Variants in SHISAL2A observed in about 807,000 individuals in gnomAD.
SHISAL2A encodes the protein shisa like 2A.
A neutral mutation model predicts 11.5 loss-of-function variants in SHISAL2A; 18 were observed. That is an observed-to-expected ratio of 1.57 (90% confidence interval 1.08 to 2.33). The LOEUF is 2.33. Among genes scored for constraint, SHISAL2A ranks in the 30% most tolerant of loss-of-function variants. The pLI is 0.00. For synonymous variants in SHISAL2A, 94 were observed against 99.6 expected (o/e 0.94, Z 0.34); for missense variants, 261 against 250.9 (o/e 1.04, Z -0.27).
intron 4 of SHISAL2A, among the ~76,000 whole-genome samples, chr1:52,662,934 T>TC (rs567797689): frequency 1.2e-3 from 184 of 152,344 alleles, no homozygotes; most frequent in Middle Eastern, 3.4e-3. Flanking sequence ...TCACTACTTG[T>TC]CCAGCACAGA....
chr1:52,636,840 G>T (rs1296275526), intron 1 of SHISAL2A, among the ~76,000 whole-genome samples: 1 of 152,174 alleles, frequency 6.6e-6, no homozygotes, highest in Non-Finnish European at 1.5e-5. Context: ...GGCTTGTCCT[G>T]TCTACTACTG....
upstream of SHISAL2A, among the ~76,000 whole-genome samples, chr1:52,632,845 A>T (rs1383149237): frequency 1.3e-5 from 2 of 152,156 alleles, no homozygotes; most frequent in Non-Finnish European, 2.9e-5. Context: ...AACTCCGGGA[A>T]ATGGCTTCTC....
intron 1 of SHISAL2A, among the ~76,000 whole-genome samples, chr1:52,635,348 TC>T (rs2149871614): frequency 6.6e-6 from 1 of 152,030 alleles, no homozygotes; most frequent in South Asian, 2.1e-4. Context: ...ATCCACACCC[TC>T]ATTCCCCACC....
chr1:52,652,676 T>A (rs774375722), intron 2 of SHISAL2A, among the ~76,000 whole-genome samples: 2 of 151,538 alleles, frequency 1.3e-5, no homozygotes, highest in Non-Finnish European at 2.9e-5. Flanking sequence ...TAGAACAAAG[T>A]GTGTTTGGGC....
At chr1:52,640,820 A>G (rs1691347912) in intron 1 of SHISAL2A, among the ~76,000 whole-genome samples, 1 of 152,108 alleles carries the variant, frequency 6.6e-6, no homozygotes, top group South Asian at 2.1e-4. Flanking sequence ...GAGATGACTC[A>G]TGGTGGGCTC....
chr1:52,649,599 C>T (rs1691581844), intron 2 of SHISAL2A, among the ~76,000 whole-genome samples: 1 of 152,200 alleles, frequency 6.6e-6, no homozygotes, highest in African/African-American at 2.4e-5. Flanking sequence ...AAGACCATAA[C>T]TTTCTTATTC....
intron 2 of SHISAL2A, among the ~76,000 whole-genome samples, chr1:52,644,813 C>T (rs560166821): frequency 3.9e-5 from 6 of 151,984 alleles, no homozygotes; most frequent in South Asian, 2.1e-4. Context: ...ATCAGGAGAT[C>T]GAGACCATCC....
intron 1 of SHISAL2A, among the ~76,000 whole-genome samples, chr1:52,635,327 A>G (rs1183094340): frequency 6.6e-6 from 1 of 152,178 alleles, no homozygotes; most frequent in Non-Finnish European, 1.5e-5. Context: ...AAAATAGGAC[A>G]TAATTCTCAA....
Position 52,652,965 on chromosome 1 carries a change from C to CAAAAAAAAAA in SHISAL2A, c.323-3801_323-3792dup, listed in dbSNP as rs36154490. On this transcript the variant is annotated intron_variant, in intron 2 of 2. Coordinates refer to ENST00000517870, the MANE Select transcript of SHISAL2A (RefSeq NM_001042693.3). The stretch of plus-strand genomic sequence containing the variant: ...TGGGTGACAGAGTGAGACTCTGTCT[C>CAAAAAAAAAA]AAAAAAAAAAAAAAAAAAAAAAAAA... Among the ~76,000 whole-genome samples, 16 of 22,378 alleles carry CAAAAAAAAAA rather than the reference C, an allele frequency of 7.1e-4. 1 individual carries two copies. The highest frequency in any genetic ancestry group is 2.6e-3 in the African/African-American group (12 of 4,562). 14.7% of individuals were successfully genotyped at this position (22,378 alleles called of 152,430 possible). A position where few individuals can be genotyped will look rare whatever the true frequency, so the allele number is the denominator to read the frequency against.
intron 1 of SHISAL2A, among the ~76,000 whole-genome samples, chr1:52,638,109 T>A (rs12407301): frequency 6.6e-6 from 1 of 152,130 alleles, no homozygotes; most frequent in African/African-American, 2.4e-5. Flanking sequence ...TGTTCCCAAC[T>A]CTGTCCTTGG....
intron 1 of SHISAL2A, among the ~76,000 whole-genome samples, chr1:52,638,216 G>T (rs11205985): frequency 0.18 from 27,537 of 151,942 alleles, 2,650 homozygotes; most frequent in African/African-American, 0.24. Flanking sequence ...AGTCAGGGAA[G>T]AGGATGGGCA....
At chr1:52,649,956 G>A (rs369356207) in intron 2 of SHISAL2A, among the ~76,000 whole-genome samples, 1 of 152,110 alleles carries the variant, frequency 6.6e-6, no homozygotes, top group Non-Finnish European at 1.5e-5. Flanking sequence ...TATAGATGGG[G>A]CAGCTGAGGC....
chr1:52,658,351 T>C (rs2149892664), downstream of SHISAL2A, among the ~76,000 whole-genome samples: 3 of 152,330 alleles, frequency 2.0e-5, no homozygotes, highest in South Asian at 6.2e-4. Context: ...GTTAAAAGAC[T>C]TTTTAAATGA....
At chr1:52,657,515 C>T (rs952728868), downstream of SHISAL2A, among the ~76,000 whole-genome samples, 2 of 152,008 alleles carry the variant, frequency 1.3e-5, no homozygotes, top group South Asian at 2.1e-4. Context: ...AGGGCTCAGG[C>T]GTCATTCTAT....
Position 52,656,852 on chromosome 1 carries a change from A to C in SHISAL2A, c.385A>C (p.Lys129Gln). The change falls in exon 3 of 3, where the codon AAA becomes CAA. Residue 129 changes from lysine (K) to glutamine (Q), a missense_variant. Lys to Gln is a moderately conservative substitution (Grantham distance 53). Transcript: ENST00000517870. ...CACAGGCATGGCGGCAGAAGTGCCAAAAGTGAGCCCTCTCCAGCAGAGTTA... is the reference window on the plus strand; with the variant it reads ...CACAGGCATGGCGGCAGAAGTGCCACAAGTGAGCCCTCTCCAGCAGAGTTA... ...VNTGMAAEVP[K>Q]VSPLQQSYSC... The C allele has an allele frequency of 6.2e-7, 1 of 1,614,152 alleles. No homozygotes were observed. Among genetic ancestry groups the C allele is most frequent in the Non-Finnish European group, 8.5e-7 (1 of 1,180,026 alleles).
intron 2 of SHISAL2A, among the ~76,000 whole-genome samples, chr1:52,650,016 A>G (rs1209398875): frequency 6.6e-6 from 1 of 152,152 alleles, no homozygotes; most frequent in Non-Finnish European, 1.5e-5. Context: ...ATTGGTGGCC[A>G]AGCCTTTGCC....
At position 52,634,839 on chromosome 1, in the gene SHISAL2A, A is replaced by G. The variant is rs924378319; in HGVS notation, c.182+1164A>G. 4.4e-4 allele frequency among the ~76,000 whole-genome samples: 67 copies of G among 152,238 alleles called. 1 individual carries two copies. The highest frequency in any genetic ancestry group is 1.6e-3 in the African/African-American group (67 of 41,456). ...GCTTTTCATCTATCAAACGGGCAGT[A>G]GGATGATCAATCATTGCCCTGATTT... On this transcript the variant is annotated intron_variant, in intron 1 of 2. Transcript: ENST00000517870.
At chr1:52,660,846 C>A (rs1459938368), downstream of SHISAL2A, among the ~76,000 whole-genome samples, 1 of 152,168 alleles carries the variant, frequency 6.6e-6, no homozygotes, top group Non-Finnish European at 1.5e-5. Flanking sequence ...AGGTCCCGAT[C>A]CCTATCTTCA....
At chr1:52,658,427 A>G (rs1231101701), downstream of SHISAL2A, among the ~76,000 whole-genome samples, 3 of 152,212 alleles carry the variant, frequency 2.0e-5, no homozygotes, top group Non-Finnish European at 4.4e-5. Context: ...CAATAACAGT[A>G]AACTATGTAA....
Sources: allele counts gnomAD v4.1 joint callset (sites outside exome capture counted in the v4.1 genomes callset), GRCh38; gene constraint gnomAD v4.1.1; transcripts MANE v1.5; gene names NCBI Gene and HGNC (gene_info 2026-07-23, HGNC 2026-07-21).